Variants in POLR2B observed in about 807,000 individuals in gnomAD.
The protein encoded by POLR2B is RNA polymerase II subunit B.
POLR2B carries 57 observed loss-of-function variants against 144.6 expected under a neutral mutation model. The observed-to-expected ratio is 0.39, with a 90% CI of 0.32 to 0.49. POLR2B has a LOEUF of 0.49. POLR2B is among the 20% of genes least tolerant of loss of function. The probability of loss-of-function intolerance (pLI) is 0.83; values close to 1 mark genes in which losing one functional copy is unlikely to be tolerated. For synonymous variants in POLR2B, 442 were observed against 469.8 expected, an observed-to-expected ratio of 0.94 and a Z score of 0.77; for missense variants, 595 against 1,467.4, an observed-to-expected ratio of 0.41 and a Z score of 9.71.
intron 3 of POLR2B, among the ~76,000 whole-genome samples, chr4:56,993,302 CAAACAAAACA>C (rs538948323): frequency 6.6e-6 from 1 of 151,744 alleles, no homozygotes; most frequent in East Asian, 2.0e-4. Context: ...GACCCTGTCT[CAAACAAAACA>C]AAACAAAATG....
intron 5 of POLR2B, 73 bp downstream of exon 5, chr4:56,994,939 A>G (rs78191447): frequency 5.5e-5 from 43 of 781,608 alleles, no homozygotes; most frequent in Non-Finnish European, 7.0e-5. Context: ...TGAAAAAAAA[A>G]AAAAAAAGAA....
chr4:56,982,612 G>T (rs146155280), intron 1 of POLR2B, among the ~76,000 whole-genome samples: 73 of 151,860 alleles, frequency 4.8e-4, no homozygotes, highest in Non-Finnish European at 9.1e-4. Context: ...TTGCGTCCTT[G>T]TAAAAATGTA....
intron 7 of POLR2B, among the ~76,000 whole-genome samples, chr4:57,001,244 T>C (rs922948223): frequency 3.3e-5 from 5 of 151,928 alleles, no homozygotes; most frequent in African/African-American, 9.7e-5. Context: ...ATCTCAGCTC[T>C]GCCTCCTGGG....
chr4:57,005,823 T>C (rs1421465074), intron 9 of POLR2B, 104 bp downstream of exon 9: 2 of 1,032,914 alleles, frequency 1.9e-6, no homozygotes, highest in Non-Finnish European at 2.8e-6. Context: ...CCACGTTGGG[T>C]ACTTATGAAA....
Position 57,025,022 on chromosome 4 carries a change from A to C in POLR2B, c.3078+23A>C, listed in dbSNP as rs764224192. 1.0e-5 allele frequency: 12 copies of C among 1,173,046 alleles called. No homozygotes were observed. The Admixed American group carries it at 2.6e-4, about 25-fold the overall frequency. The allele number at this position is 1,173,046 out of a possible 1,614,324, so 72.7% of individuals were successfully genotyped here. ...GAGGTATATTTGCTCTTATAGTAGT[A>C]ATTTGCCACTTGTTTTTTTTTGTAT... On this transcript the variant is annotated intron_variant, in intron 22 of 24. Transcript: ENST00000314595.
Position 57,023,454 on chromosome 4 carries a change from G to A in POLR2B, c.2640G>A (p.Leu880=). The A allele has an allele frequency of 6.2e-7, 1 of 1,614,016 alleles. No homozygotes were observed. Among genetic ancestry groups the A allele is most frequent in the Non-Finnish European group, 8.5e-7 (1 of 1,179,974 alleles). The change falls in exon 19 of 25, where the codon TTG becomes TTA. Residue 880 remains leucine, a synonymous_variant. Coordinates refer to ENST00000314595, the MANE Select transcript of POLR2B (RefSeq NM_000938.3). This position sits in a 1 kb window ranked among gnomAD's most constrained non-coding sequence, Gnocchi z 4.3. ...CCTTGCCTGAAAATGAAGATGAATTGGAGAGCACCAATAGACGCTATACCA... is the reference window on the plus strand; with the variant it reads ...CCTTGCCTGAAAATGAAGATGAATTAGAGAGCACCAATAGACGCTATACCA... ...TVTLPENEDE[L]ESTNRRYTKR... is the part of the protein sequence containing the mutation.
At chr4:57,011,572 CCCAGCA>C (rs1310274298) in intron 13 of POLR2B, among the ~76,000 whole-genome samples, 10 of 152,098 alleles carry the variant, frequency 6.6e-5, no homozygotes, top group Admixed American at 3.3e-4. Flanking sequence ...CGCCTGTAAT[CCCAGCA>C]CTTTGGGAGG....
rs748379777 is a variant in POLR2B, at chr4:57,017,749, C to T, written c.2323+21C>T. On this transcript the variant is annotated intron_variant, in intron 16 of 24. Coordinates refer to ENST00000314595, the MANE Select transcript of POLR2B (RefSeq NM_000938.3). This position sits in a 1 kb window ranked among gnomAD's most constrained non-coding sequence, Gnocchi z 4.8. ...AGCAGGTATGGTCAGTTTTGCTCTACGTTATTTAAGATCCTTCTGTGCTTA... is the reference window on the plus strand; with the variant it reads ...AGCAGGTATGGTCAGTTTTGCTCTATGTTATTTAAGATCCTTCTGTGCTTA... 211 of 1,594,272 alleles carry T rather than the reference C, an allele frequency of 1.3e-4. No homozygotes were observed. Among genetic ancestry groups the T allele is most frequent in the Non-Finnish European group, 1.7e-4 (195 of 1,168,718 alleles).
At position 57,010,099 on chromosome 4, in the gene POLR2B, T is replaced by C. The variant is rs552428975; in HGVS notation, c.1405-262T>C. The C allele has an allele frequency of 2.5e-5, 9 of 364,472 alleles. No homozygotes were observed. The Admixed American group carries it at 3.8e-4, about 16-fold the overall frequency. The allele number at this position is 364,472 out of a possible 1,614,324, so 22.6% of individuals were successfully genotyped here. Reference sequence around the variant, plus strand: ...AATAAAACAATTTTAAAAAATTCCCTGCCTTCATGAAACTAATGTCCTAGT... The same window carrying C: ...AATAAAACAATTTTAAAAAATTCCCCGCCTTCATGAAACTAATGTCCTAGT... On this transcript the variant is annotated intron_variant, in intron 10 of 24. Coordinates refer to ENST00000314595, the MANE Select transcript of POLR2B (RefSeq NM_000938.3).
chr4:57,021,146 G>A (rs892086760), intron 17 of POLR2B, 151 bp downstream of exon 17: 35 of 621,506 alleles, frequency 5.6e-5, no homozygotes, highest in South Asian at 4.6e-4. Flanking sequence ...GATACTACTT[G>A]TATCTCTCAG....
chr4:57,001,540 T>C (rs181780877), intron 7 of POLR2B, among the ~76,000 whole-genome samples: 300 of 152,342 alleles, frequency 2.0e-3, no homozygotes, highest in Admixed American at 4.4e-3. Flanking sequence ...CTCAGTTGTG[T>C]TTTTCACATA....
intron 7 of POLR2B, among the ~76,000 whole-genome samples, chr4:57,003,980 T>C (rs1208099332): frequency 2.0e-5 from 3 of 149,076 alleles, no homozygotes; most frequent in Admixed American, 1.3e-4. Flanking sequence ...AATAAATAAC[T>C]GTCTCCTTTG....
chr4:57,015,550 G>C lies in POLR2B; in HGVS notation c.1849G>C (p.Asp617His). 1 of 1,491,776 alleles carries C rather than the reference G, an allele frequency of 6.7e-7. No individual in the cohort carries two copies. Among genetic ancestry groups the C allele is most frequent in the Non-Finnish European group, 9.0e-7 (1 of 1,106,122 alleles). The allele number at this position is 1,491,776 out of a possible 1,614,324, so 92.4% of individuals were successfully genotyped here. The change falls in exon 14 of 25, where the codon GAT (aspartate) becomes CAT (histidine). Residue 617 changes from aspartate to histidine, a missense_variant. Physicochemically the swap from Asp to His is moderately conservative, Grantham distance 81 (BLOSUM62 -1). Around this residue, in one of 9 missense-constraint regions of POLR2B, gnomAD observed 59 missense variants for 84.2 expected, o/e 0.70. Coordinates refer to ENST00000314595, the MANE Select transcript of POLR2B (RefSeq NM_000938.3). Reference protein sequence around the residue: ...IREREIRIYTDAGRICRPLLI... With the variant: ...IREREIRIYTHAGRICRPLLI... The stretch of plus-strand genomic sequence containing the variant: ...AGAGAGGGAGATTCGGATCTATACG[G>C]ATGCAGGCCGTATTTGTAGACCACT...
intron 2 of POLR2B, among the ~76,000 whole-genome samples, chr4:56,988,467 C>T (rs1252990041): frequency 5.9e-5 from 9 of 151,940 alleles, no homozygotes; most frequent in Non-Finnish European, 1.3e-4. Context: ...AGTTTGAGAC[C>T]AGCCTATGCA....
rs565911237 is a variant in POLR2B at position 57,013,719 on chromosome 4, G to C, written c.1801-1783G>C. ...ACACCCAGGTTTTGTTCATCACACAGTGTGTATTATGTATTTAGCTCTGCT... is the reference window on the plus strand; with the variant it reads ...ACACCCAGGTTTTGTTCATCACACACTGTGTATTATGTATTTAGCTCTGCT... On this transcript the variant is annotated intron_variant, in intron 13 of 24. Coordinates refer to ENST00000314595, the MANE Select transcript of POLR2B (RefSeq NM_000938.3). Among the ~76,000 whole-genome samples the C allele has an allele frequency of 3.9e-4, 59 of 152,164 alleles. No individual in the cohort carries two copies. In the South Asian group the frequency reaches 0.011, roughly 28 times the overall value.
intron 6 of POLR2B, among the ~76,000 whole-genome samples, chr4:56,996,972 ACCTGTAGT>A (rs764822019): frequency 5.9e-5 from 9 of 152,030 alleles, no homozygotes; most frequent in Non-Finnish European, 1.3e-4. Flanking sequence ...GGTGGCAGGC[ACCTGTAGT>A]CCCGGTTACT....
Position 57,024,986 on chromosome 4 carries a change from TCA to T in POLR2B, c.3066_3067del (p.Gly1024LysfsTer2), listed in dbSNP as rs749364516. The T allele has an allele frequency of 1.1e-5, 17 of 1,525,728 alleles. No homozygotes were observed. In the African/African-American group the frequency reaches 2.3e-4, roughly 21 times the overall value. 94.5% of individuals were successfully genotyped at this position (1,525,728 alleles called of 1,614,324 possible). A position where few individuals can be genotyped will look rare whatever the true frequency, so the allele number is the denominator to read the frequency against. ...CTTTTATCTGATTATGGCTATCATC[TCA>T]GAGGAAATGAGGTATATTTGCTCTT... On this transcript the variant is annotated frameshift_variant, in exon 22 of 25. Coordinates refer to ENST00000314595, the MANE Select transcript of POLR2B (RefSeq NM_000938.3). LOFTEE classifies it high-confidence loss of function.
At chr4:57,025,790 G>A (rs1346401439) in intron 23 of POLR2B, among the ~76,000 whole-genome samples, 1 of 152,074 alleles carries the variant, frequency 6.6e-6, no homozygotes, top group Non-Finnish European at 1.5e-5. Context: ...ACAGCTCCCT[G>A]CAGCCTTGAA....
chr4:56,990,852 A>G lies in POLR2B; in HGVS notation c.197A>G (p.Asp66Gly). ...QRIVEDAPPI[D>G]LQAEAQHASG... Reference sequence around the variant, plus strand: ...ATTGTGGAAGACGCTCCTCCTATAGACCTACAGGCTGAAGCTCAGCATGCT... The same window carrying G: ...ATTGTGGAAGACGCTCCTCCTATAGGCCTACAGGCTGAAGCTCAGCATGCT... The change falls in exon 3 of 25, where the codon GAC (aspartate) becomes GGC (glycine). Residue 66 changes from aspartate (D) to glycine (G), a missense_variant. Around this residue, in one of 9 missense-constraint regions of POLR2B, gnomAD observed 251 missense variants for 567.3 expected, o/e 0.44. Transcript: ENST00000314595. The G allele has an allele frequency of 6.2e-7, 1 of 1,613,720 alleles. No individual in the cohort carries two copies. The highest frequency in any genetic ancestry group is 8.5e-7 in the Non-Finnish European group (1 of 1,179,766).
Sources: allele counts gnomAD v4.1 joint callset (sites outside exome capture counted in the v4.1 genomes callset), GRCh38; gene constraint gnomAD v4.1.1; regional missense constraint gnomAD v4.1.1; non-coding constraint Gnocchi (gnomAD v3.1); transcripts MANE v1.5; gene names NCBI Gene and HGNC (gene_info 2026-07-23, HGNC 2026-07-21).